Variants in DCX observed in about 807,000 individuals in gnomAD.
The protein encoded by DCX is doublecortin, also known as neuronal migration protein doublecortin.
Under a neutral mutation model 20.9 loss-of-function variants are expected in DCX, and 4 were observed. The observed-to-expected ratio is 0.19, with a 90% CI of 0.09 to 0.44. The LOEUF (loss-of-function observed/expected upper bound fraction) is 0.44. DCX is among the 20% of genes least tolerant of loss of function. DCX has a pLI of 0.99. For missense variants in DCX, 133 were observed against 296.9 expected (o/e 0.45, Z 4.06); for synonymous variants, 103 against 111.4 (o/e 0.92, Z 0.47).
chrX:111,333,340 G>A (rs914613695), intron 3 of DCX, among the ~76,000 whole-genome samples, 187 bp from the exon 4 acceptor site: 3 of 111,597 alleles, frequency 2.7e-5, no homozygotes, highest in Non-Finnish European at 5.6e-5. Context: ...ATGATATACT[G>A]AGTACCATTG....
chrX:111,353,004 A>G (rs1923446542), intron 3 of DCX, among the ~76,000 whole-genome samples: 1 of 112,127 alleles, frequency 8.9e-6, no homozygotes, highest in African/African-American at 3.2e-5. Flanking sequence ...CTGAAGAAGG[A>G]AAAAAAGAGA....
In DCX at chrX:111,303,759, AAGGCAACTAC is replaced by A. The variant is rs1355485631; in HGVS notation, c.1045-2026_1045-2017del. Among the ~76,000 whole-genome samples, 3 of 112,050 alleles carry A rather than the reference AAGGCAACTAC, an allele frequency of 2.7e-5. No individual in the cohort carries two copies. The East Asian group carries it at 8.4e-4, about 32-fold the overall frequency. ...TATTGAATGATTAAGAAACAAAACA[AAGGCAACTAC>A]AGCAAATAGACTCAGTTCTCGTCAA... On this transcript the variant is annotated intron_variant, in intron 6 of 6. Coordinates refer to ENST00000636035, the MANE Select transcript of DCX (RefSeq NM_001195553.2).
intron 3 of DCX, among the ~76,000 whole-genome samples, chrX:111,376,279 A>G (rs963356981): frequency 4.5e-5 from 5 of 112,099 alleles, no homozygotes; most frequent in African/African-American, 1.3e-4. Context: ...TGAAGCATGC[A>G]TGCAGCAGTC....
intron 3 of DCX, among the ~76,000 whole-genome samples, chrX:111,397,568 C>T (rs1440716096): frequency 1.8e-5 from 2 of 111,759 alleles, no homozygotes; most frequent in Non-Finnish European, 3.8e-5. Flanking sequence ...TTCACTATAC[C>T]CAGCATCTAT....
intron 3 of DCX, among the ~76,000 whole-genome samples, chrX:111,387,214 C>T (rs1926590604): frequency 9.0e-6 from 1 of 111,205 alleles, no homozygotes; most frequent in Non-Finnish European, 1.9e-5. Context: ...GTTATGGACC[C>T]ATGAAAAGGG....
intron 3 of DCX, among the ~76,000 whole-genome samples, chrX:111,379,138 A>C (rs1002465962): frequency 2.0e-4 from 22 of 112,438 alleles, no homozygotes; most frequent in Non-Finnish European, 3.9e-4. Context: ...ATAAGCACAC[A>C]CTATAATTCA....
chrX:111,347,412 C>G (rs1922926348), intron 3 of DCX, among the ~76,000 whole-genome samples: 2 of 111,547 alleles, frequency 1.8e-5, no homozygotes, highest in Admixed American at 1.9e-4. Context: ...TGTCTTTTCT[C>G]CCTCTTTCAC....
chrX:111,341,486 C>A (rs1384873941), intron 3 of DCX, among the ~76,000 whole-genome samples: 1 of 111,244 alleles, frequency 9.0e-6, no homozygotes, highest in Non-Finnish European at 1.9e-5. Flanking sequence ...CCCAACCTAG[C>A]AAGACAGGCC....
intron 5 of DCX, among the ~76,000 whole-genome samples, chrX:111,316,086 T>TAAAA (rs754058802): frequency 9.9e-5 from 5 of 50,611 alleles, no homozygotes; most frequent in African/African-American, 3.2e-4. Flanking sequence ...TAATAAAAAA[T>TAAAA]AAAAAAAAAA....
At position 111,329,163 on chromosome X, in the gene DCX, C is replaced by T. The variant is rs747771460; in HGVS notation, c.946+1741G>A. On this transcript the variant is annotated intron_variant, in intron 5 of 6. Coordinates refer to ENST00000636035, the MANE Select transcript of DCX (RefSeq NM_001195553.2). ...AAAACTGTCAAATTTTATTCTCAGCCCAGGTGTTAAAACCTAGGTCTTTGT... is the reference window on the plus strand; with the variant it reads ...AAAACTGTCAAATTTTATTCTCAGCTCAGGTGTTAAAACCTAGGTCTTTGT... Among the ~76,000 whole-genome samples, 6 of 111,769 alleles carry T rather than the reference C, an allele frequency of 5.4e-5. No individual in the cohort carries two copies. The South Asian group carries it at 2.3e-3, about 42-fold the overall frequency.
intron 3 of DCX, among the ~76,000 whole-genome samples, chrX:111,390,423 CTA>C (rs1926841137): frequency 8.9e-6 from 1 of 112,109 alleles, no homozygotes; most frequent in African/African-American, 3.2e-5. Flanking sequence ...TTCTAAGCTG[CTA>C]TGTTTGTGGT....
chrX:111,383,055 T>G (rs1225123719), intron 3 of DCX, among the ~76,000 whole-genome samples: 1 of 111,321 alleles, frequency 9.0e-6, no homozygotes, highest in East Asian at 2.8e-4. Context: ...TACTCTTGGT[T>G]TCCATCCTCT....
At chrX:111,364,875 C>CTTGTT (rs759663303) in intron 3 of DCX, among the ~76,000 whole-genome samples, 32 of 109,883 alleles carry the variant, frequency 2.9e-4, no homozygotes, top group Non-Finnish European at 4.2e-4. Flanking sequence ...TCTTATTTAT[C>CTTGTT]TTGTTTTGTT....
intron 3 of DCX, among the ~76,000 whole-genome samples, chrX:111,351,209 A>G (rs1451366882): frequency 1.8e-5 from 2 of 112,041 alleles, no homozygotes; most frequent in Non-Finnish European, 3.8e-5. Context: ...ACTATTTTCC[A>G]GAACAGAGGT....
At chrX:111,306,930 T>C (rs1213647922) in intron 6 of DCX, among the ~76,000 whole-genome samples, 2 of 111,365 alleles carry the variant, frequency 1.8e-5, no homozygotes, top group African/African-American at 3.3e-5. Context: ...GAGGGAAATG[T>C]ATATGAAATG....
chrX:111,347,333 C>T (rs1922914230), intron 3 of DCX, among the ~76,000 whole-genome samples: 1 of 111,311 alleles, frequency 9.0e-6, no homozygotes, highest in Non-Finnish European at 1.9e-5. Flanking sequence ...TTAAAAACAA[C>T]ACAATGTCAC....
At chrX:111,359,077 TAGAG>T (rs889755326) in intron 3 of DCX, among the ~76,000 whole-genome samples, 3 of 111,201 alleles carry the variant, frequency 2.7e-5, no homozygotes, top group Non-Finnish European at 5.7e-5. Flanking sequence ...CTACAGTTCA[TAGAG>T]AGGAGAAAAT....
At chrX:111,338,786 G>T (rs1469539103) in intron 3 of DCX, among the ~76,000 whole-genome samples, 1 of 105,323 alleles carries the variant, frequency 9.5e-6, no homozygotes, top group African/African-American at 3.5e-5. Flanking sequence ...ACTTACATTT[G>T]TATGGTATTT....
rs761180789 is a variant in DCX at position 111,331,018 on chromosome X, G to C, written c.832C>G (p.Pro278Ala). The change falls in exon 5 of 7, where the codon CCA becomes GCA. Residue 278 changes from proline (P) to alanine (A), a missense_variant. By Grantham distance (27) the Pro-to-Ala change is conservative. This residue lies in a region of DCX where 68 missense variants were observed against 84.3 expected (regional missense o/e 0.81). Coordinates refer to ENST00000636035, the MANE Select transcript of DCX (RefSeq NM_001195553.2). ...ENECRVMKGN[P>A]SATAGPKASP... ...GCCTTTGGGCCAGCTGTGGCTGATG[G>C]GTTTCCCTTCATGACTCGGCATTCT... is the stretch of plus-strand genomic sequence containing the variant. The C allele has an allele frequency of 2.5e-6, 3 of 1,209,950 alleles. No homozygotes were observed. The Admixed American group carries it at 6.6e-5, about 26-fold the overall frequency.
Sources: gnomAD v4.1 joint callset for allele counts (sites outside exome capture counted in the v4.1 genomes callset) on GRCh38, gnomAD v4.1.1 for gene constraint, gnomAD v4.1.1 regional missense constraint, MANE v1.5 for transcripts, NCBI Gene and HGNC (gene_info 2026-07-23, HGNC 2026-07-21) for gene names.